Variants in PTPN13 observed in about 807,000 individuals in gnomAD.
The protein encoded by PTPN13 is protein tyrosine phosphatase non-receptor type 13.
In PTPN13, 191 loss-of-function variants were observed where a neutral mutation model predicts 284.0. The observed-to-expected ratio is 0.67, with a 90% CI of 0.60 to 0.76. The LOEUF is 0.76. PTPN13 is among the 30% of genes least tolerant of loss of function. PTPN13 has a pLI of 0.00. For missense variants in PTPN13, 2,797 were observed against 2,939.9 expected (o/e 0.95, Z 1.12); for synonymous variants, 986 against 1,022.3 (o/e 0.96, Z 0.68).
chr4:86,746,170 GA>G (rs1270005989), intron 17 of PTPN13, among the ~76,000 whole-genome samples: 1 of 152,130 alleles, frequency 6.6e-6, no homozygotes, highest in Non-Finnish European at 1.5e-5. Context: ...GCCAGCAGAA[GA>G]AACTCATCTG....
rs1565098804 is a variant in PTPN13 at position 86,594,624 on chromosome 4, C to G, written c.-171C>G. ...GATGCTGCTCCTCTTCTCCCCCTCC[C>G]CAGGCTCCTTCTACAGCTCCTTCAG... On this transcript the variant is annotated 5_prime_UTR_variant, in exon 1 of 48. Transcript: ENST00000411767. 3 of 152,206 alleles carry G rather than the reference C, an allele frequency of 2.0e-5. No homozygotes were observed. Among genetic ancestry groups the G allele is most frequent in the Non-Finnish European group, 4.4e-5 (3 of 68,082 alleles). 9.4% of individuals were successfully genotyped at this position (152,206 alleles called of 1,614,324 possible).
intron 1 of PTPN13, among the ~76,000 whole-genome samples, chr4:86,622,714 T>C (rs977124559): frequency 6.6e-6 from 1 of 152,206 alleles, no homozygotes; most frequent in Admixed American, 6.5e-5. Context: ...TTAGTCTTCA[T>C]CTCTCTGTCC....
chr4:86,742,163 G>A (rs1736237374), intron 16 of PTPN13, among the ~76,000 whole-genome samples: 1 of 152,150 alleles, frequency 6.6e-6, no homozygotes, highest in Admixed American at 6.6e-5. Flanking sequence ...AAGAAAGATA[G>A]TTATCTTAAC....
intron 20 of PTPN13, among the ~76,000 whole-genome samples, chr4:86,754,297 T>G (rs569924016): frequency 6.6e-6 from 1 of 152,188 alleles, no homozygotes; most frequent in Admixed American, 6.5e-5. Context: ...AGCTTTCTAG[T>G]GATCAAACTC....
rs1319716036 is a variant in PTPN13, at chr4:86,701,782, G to A, written c.1176G>A (p.Arg392=). ...RERQKKLQVL[R]EAMNVEEPVR... Reference sequence around the variant, plus strand: ...GACAAAAGAAACTTCAGGTTCTGAGGGAAGCCATGAATGTAGAAGGTTAGT... The same window carrying A: ...GACAAAAGAAACTTCAGGTTCTGAGAGAAGCCATGAATGTAGAAGGTTAGT... Residue 392 remains arginine, a synonymous_variant, in exon 7 of 48, where the codon AGG becomes AGA. Transcript: ENST00000411767. The A allele has an allele frequency of 1.2e-6, 2 of 1,611,664 alleles. No homozygotes were observed. The highest frequency in any genetic ancestry group is 1.7e-6 in the Non-Finnish European group (2 of 1,179,110).
chr4:86,767,919 G>T lies in PTPN13; in HGVS notation c.4432G>T (p.Gly1478Cys), dbSNP rs1001237341. Residue 1478 changes from glycine (G) to cysteine (C), a missense_variant, in exon 28 of 48, where the codon GGC (glycine) becomes TGC (cysteine). Physicochemically the swap from Gly to Cys is radical, Grantham distance 159 (BLOSUM62 -3). Coordinates refer to ENST00000411767, the MANE Select transcript of PTPN13 (RefSeq NM_080683.3). ...TTCAGATCAGAATGCCCAAGGTCAAGGCCCAGAAAAAGTGAAGAAAACAAC... is the reference window on the plus strand; with the variant it reads ...TTCAGATCAGAATGCCCAAGGTCAATGCCCAGAAAAAGTGAAGAAAACAAC... ...TLSDQNAQGQ[G>C]PEKVKKTTQV... 1 of 1,610,338 alleles carries T rather than the reference G, an allele frequency of 6.2e-7. No homozygotes were observed. Among genetic ancestry groups the T allele is most frequent in the Admixed American group, 1.7e-5 (1 of 59,590 alleles).
At position 86,805,316 on chromosome 4, in the gene PTPN13, T is replaced by C. The variant is rs1455075908; in HGVS notation, c.6692T>C (p.Ile2231Thr). Residue 2231 changes from isoleucine to threonine, a missense_variant, in exon 44 of 48, where the codon ATT becomes ACT. Transcript: ENST00000411767. ...QELKPLDQCL[I>T]GQTKENRRKN... Reference sequence around the variant, plus strand: ...TTAAAACCTTTGGATCAGTGTCTAATTGGGCAAACTAAGGAAAACAGAAGG... The same window carrying C: ...TTAAAACCTTTGGATCAGTGTCTAACTGGGCAAACTAAGGAAAACAGAAGG... 2 of 1,602,040 alleles carry C rather than the reference T, an allele frequency of 1.2e-6. No homozygotes were observed. Among genetic ancestry groups the C allele is most frequent in the Non-Finnish European group, 1.7e-6 (2 of 1,171,448 alleles).
At chr4:86,662,851 C>G (rs1726666009) in intron 2 of PTPN13, among the ~76,000 whole-genome samples, 1 of 152,080 alleles carries the variant, frequency 6.6e-6, no homozygotes. Context: ...TCACCTCATA[C>G]GTTATGGATA....
intron 45 of PTPN13, among the ~76,000 whole-genome samples, chr4:86,809,440 G>A (rs1744986256): frequency 6.6e-6 from 1 of 152,186 alleles, no homozygotes; most frequent in Non-Finnish European, 1.5e-5. Flanking sequence ...GCTCACGCCT[G>A]TAATCTCAAC....
At chr4:86,673,783 C>T (rs1280956596) in intron 3 of PTPN13, among the ~76,000 whole-genome samples, 1 of 152,164 alleles carries the variant, frequency 6.6e-6, no homozygotes, top group Non-Finnish European at 1.5e-5. Flanking sequence ...TCTCGGCTTA[C>T]TGCAACCTCT....
chr4:86,733,343 AT>A (rs879890031), intron 12 of PTPN13, among the ~76,000 whole-genome samples: 6 of 152,020 alleles, frequency 3.9e-5, no homozygotes, highest in Non-Finnish European at 5.9e-5. Context: ...ACTTTTTGGA[AT>A]TCATCTCCTT....
intron 1 of PTPN13, among the ~76,000 whole-genome samples, chr4:86,606,086 G>A (rs1764714711): frequency 6.6e-6 from 1 of 151,814 alleles, no homozygotes; most frequent in Admixed American, 6.6e-5. Context: ...GATTTTTTTA[G>A]TAGTTTCTAA....
chr4:86,716,701 T>A, intron 8 of PTPN13, 76 bp downstream of exon 8: 2 of 1,071,716 alleles, frequency 1.9e-6, no homozygotes, highest in African/African-American at 1.6e-5. Context: ...GTTCAAATAT[T>A]AATATAAATT....
At position 86,648,657 on chromosome 4, in the gene PTPN13, C is replaced by T. The variant is rs556529583; in HGVS notation, c.115+13286C>T. On this transcript the variant is annotated intron_variant, in intron 2 of 47. Coordinates refer to ENST00000411767, the MANE Select transcript of PTPN13 (RefSeq NM_080683.3). ...GTAGATACTTGAGATGATTCCGTAA[C>T]TTGGCTATGGTGAATAGTGCTGCCA... is the stretch of plus-strand genomic sequence containing the variant. 7.2e-5 allele frequency among the ~76,000 whole-genome samples: 11 copies of T among 152,268 alleles called. No individual in the cohort carries two copies. The East Asian group carries it at 1.2e-3, about 16-fold the overall frequency.
At chr4:86,675,378 A>G (rs745350066) in intron 3 of PTPN13, among the ~76,000 whole-genome samples, 2 of 152,212 alleles carry the variant, frequency 1.3e-5, no homozygotes, top group African/African-American at 2.4e-5. Context: ...GTAGCCATAT[A>G]TTCTAGCACA....
At chr4:86,726,226 G>A (rs1447674657) in intron 10 of PTPN13, among the ~76,000 whole-genome samples, 2 of 149,602 alleles carry the variant, frequency 1.3e-5, no homozygotes, top group African/African-American at 2.4e-5. Flanking sequence ...CTGTAGACTT[G>A]TAGTATAGTT....
At chr4:86,611,816 T>G (rs1005875328) in intron 1 of PTPN13, among the ~76,000 whole-genome samples, 15 of 152,008 alleles carry the variant, frequency 9.9e-5, no homozygotes, top group African/African-American at 3.1e-4. Context: ...GAAAAAACCC[T>G]GGAGATCTAC....
intron 44 of PTPN13, among the ~76,000 whole-genome samples, chr4:86,806,274 C>G (rs1332474423): frequency 1.3e-5 from 2 of 151,618 alleles, no homozygotes; most frequent in Non-Finnish European, 2.9e-5. Context: ...TGCCAAAATA[C>G]TGACCTCTAG....
At chr4:86,701,092 T>C in intron 6 of PTPN13, 149 bp from the exon 7 acceptor site, 3 of 588,702 alleles carry the variant, frequency 5.1e-6, no homozygotes, top group Non-Finnish European at 8.7e-6. Flanking sequence ...CCTCTTCCAC[T>C]ATGACCATCA....
Sources: allele counts gnomAD v4.1 joint callset (sites outside exome capture counted in the v4.1 genomes callset), GRCh38; gene constraint gnomAD v4.1.1; transcripts MANE v1.5; gene names NCBI Gene and HGNC (gene_info 2026-07-23, HGNC 2026-07-21).